Variants in IQGAP2 observed in about 807,000 individuals in gnomAD.
IQGAP2 encodes the protein IQ motif containing GTPase activating protein 2.
IQGAP2 carries 173 observed loss-of-function variants against 201.3 expected under a neutral mutation model. That is an observed-to-expected ratio of 0.86 (90% CI 0.76 to 0.98). IQGAP2 has a LOEUF of 0.98. Among genes scored for constraint, IQGAP2 ranks in the 50% least tolerant of loss-of-function variants. The pLI, the probability that IQGAP2 is intolerant of heterozygous loss-of-function variation, is 0.00. For missense variants in IQGAP2, 1,687 were observed against 1,864.8 expected, an observed-to-expected ratio of 0.90 and a Z score of 1.76; for synonymous variants, 675 against 673.9, an observed-to-expected ratio of 1.00 and a Z score of -0.03.
chr5:76,591,277 A>ATTCAGTGTGGTGAAG (rs1746629449), intron 8 of IQGAP2, among the ~76,000 whole-genome samples: 1 of 152,022 alleles, frequency 6.6e-6, no homozygotes, highest in Admixed American at 6.5e-5. Flanking sequence ...GAGGTTAATA[A>ATTCAGTGTGGTGAAG]TTCAGTGTGG....
chr5:76,690,409 T>C (rs1006507489), intron 30 of IQGAP2, among the ~76,000 whole-genome samples: 1 of 152,224 alleles, frequency 6.6e-6, no homozygotes, highest in African/African-American at 2.4e-5. Context: ...ACTTGTTTCC[T>C]GCAGCTCTAG....
At chr5:76,587,861 G>A (rs183664170) in intron 5 of IQGAP2, among the ~76,000 whole-genome samples, 8 of 151,012 alleles carry the variant, frequency 5.3e-5, no homozygotes, top group African/African-American at 1.5e-4. Flanking sequence ...CAGGAGAATC[G>A]CTTGAACCCA....
intron 2 of IQGAP2, among the ~76,000 whole-genome samples, chr5:76,508,902 C>T (rs149487076): frequency 5.2e-4 from 79 of 152,212 alleles, no homozygotes; most frequent in African/African-American, 1.8e-3. Flanking sequence ...AGCATGCATA[C>T]AGCCCCTACA....
chr5:76,609,820 A>G (rs1199437337), intron 12 of IQGAP2, among the ~76,000 whole-genome samples: 2 of 143,618 alleles, frequency 1.4e-5, no homozygotes, highest in African/African-American at 5.3e-5. Context: ...CAGTGTGTGT[A>G]TATGTGTGTT....
intron 30 of IQGAP2, among the ~76,000 whole-genome samples, chr5:76,692,215 G>A (rs368623841): frequency 5.3e-5 from 8 of 152,220 alleles, no homozygotes; most frequent in Non-Finnish European, 8.8e-5. Context: ...GCAGTGGCAC[G>A]ATTTCAGCTT....
intron 3 of IQGAP2, among the ~76,000 whole-genome samples, chr5:76,563,318 A>G (rs1279832502): frequency 6.6e-6 from 1 of 152,202 alleles, no homozygotes; most frequent in Non-Finnish European, 1.5e-5. Context: ...AGAAAACAAA[A>G]TTAAAATAAA....
chr5:76,500,291 T>C (rs1001582165), intron 2 of IQGAP2, among the ~76,000 whole-genome samples: 4 of 152,244 alleles, frequency 2.6e-5, no homozygotes, highest in African/African-American at 2.4e-5. Flanking sequence ...ATTTGTTCAT[T>C]GGTAGAGGTA....
rs564172189 is a variant in IQGAP2, at chr5:76,428,207, C to T, written c.46+24616C>T. Among the ~76,000 whole-genome samples the T allele has an allele frequency of 3.8e-4, 58 of 152,144 alleles. No homozygotes were observed. The South Asian group carries it at 0.012, about 31-fold the overall frequency. On this transcript the variant is annotated intron_variant, in intron 1 of 35. Coordinates refer to ENST00000274364, the MANE Select transcript of IQGAP2 (RefSeq NM_006633.5). The stretch of plus-strand genomic sequence containing the variant: ...CTGCCTTTCTGCTTGCCCAGCTCTG[C>T]GGGGTGATGGGCAGCCAGACACCTT...
intron 1 of IQGAP2, among the ~76,000 whole-genome samples, chr5:76,416,728 A>G (rs1751426350): frequency 6.6e-6 from 1 of 152,120 alleles, no homozygotes; most frequent in South Asian, 2.1e-4. Flanking sequence ...GGGTTTCATC[A>G]TATTGGCCAG....
intron 33 of IQGAP2, 135 bp from the exon 34 acceptor site, chr5:76,700,941 A>G: frequency 1.2e-6 from 1 of 818,210 alleles, no homozygotes; most frequent in South Asian, 1.9e-5. Flanking sequence ...TACTATCACA[A>G]AATAAAAAAG....
intron 13 of IQGAP2, among the ~76,000 whole-genome samples, chr5:76,625,653 A>G (rs989076776): frequency 2.0e-5 from 3 of 152,188 alleles, no homozygotes; most frequent in African/African-American, 7.2e-5. Context: ...CAGATAGTTT[A>G]TCTCATTTTC....
At chr5:76,504,720 C>T (rs1757505078) in intron 2 of IQGAP2, among the ~76,000 whole-genome samples, 1 of 152,224 alleles carries the variant, frequency 6.6e-6, no homozygotes, top group African/African-American at 2.4e-5. Flanking sequence ...CATATTTGGT[C>T]TCTTTCACGT....
At chr5:76,559,432 G>T (rs1450760891) in intron 2 of IQGAP2, among the ~76,000 whole-genome samples, 1 of 152,154 alleles carries the variant, frequency 6.6e-6, no homozygotes, top group East Asian at 1.9e-4. Flanking sequence ...AGGCTGCCAG[G>T]AGCTCCCTGC....
intron 5 of IQGAP2, among the ~76,000 whole-genome samples, chr5:76,583,245 A>G (rs1465445943): frequency 6.6e-6 from 1 of 152,194 alleles, no homozygotes; most frequent in Non-Finnish European, 1.5e-5. Context: ...ATTTGAATTT[A>G]AATGCTTGGG....
chr5:76,692,236 C>G (rs1746328672), intron 30 of IQGAP2, among the ~76,000 whole-genome samples: 1 of 152,222 alleles, frequency 6.6e-6, no homozygotes, highest in South Asian at 2.1e-4. Context: ...ACTGCAACCT[C>G]TGCCTCCCGG....
chr5:76,451,475 A>G (rs1753739056), intron 1 of IQGAP2, among the ~76,000 whole-genome samples: 1 of 152,092 alleles, frequency 6.6e-6, no homozygotes, highest in Non-Finnish European at 1.5e-5. Context: ...CACCCACGCT[A>G]TCTCTTTAGG....
In IQGAP2 at chr5:76,479,953, G is replaced by A. The variant is rs184330273; in HGVS notation, c.146+18284G>A. 2.0e-5 allele frequency among the ~76,000 whole-genome samples: 3 copies of A among 152,248 alleles called. No homozygotes were observed. In the East Asian group the frequency reaches 5.8e-4, roughly 29 times the overall value. On this transcript the variant is annotated intron_variant, in intron 2 of 35. Coordinates refer to ENST00000274364, the MANE Select transcript of IQGAP2 (RefSeq NM_006633.5). ...GGAGTATTATTTTCTTACTCCTGAT[G>A]TGTCTCCCAGGCTGGATGATGACAA...
At chr5:76,497,848 G>C (rs969550615) in intron 2 of IQGAP2, among the ~76,000 whole-genome samples, 1 of 152,204 alleles carries the variant, frequency 6.6e-6, no homozygotes, top group Non-Finnish European at 1.5e-5. Flanking sequence ...CAAGGGTTAA[G>C]AGGCCCTGAA....
At position 76,521,470 on chromosome 5, in the gene IQGAP2, T is replaced by C. The variant is rs955915537; in HGVS notation, c.147-40926T>C. On this transcript the variant is annotated intron_variant, in intron 2 of 35. Coordinates refer to ENST00000274364, the MANE Select transcript of IQGAP2 (RefSeq NM_006633.5). ...TAGAACTAGCTGTCCACTTAAACAA[T>C]AGAAAACTGAGTCATAAATTCTGTC... 5.9e-5 allele frequency among the ~76,000 whole-genome samples: 9 copies of C among 152,372 alleles called. No homozygotes were observed. The South Asian group carries it at 1.7e-3, about 28-fold the overall frequency.
Sources: gnomAD v4.1 joint callset for allele counts (sites outside exome capture counted in the v4.1 genomes callset) on GRCh38, gnomAD v4.1.1 for gene constraint, MANE v1.5 for transcripts, NCBI Gene and HGNC (gene_info 2026-07-23, HGNC 2026-07-21) for gene names.